The following HOOK3 variants were observed in gnomAD, a reference collection of about 807,000 sequenced individuals.
The protein encoded by HOOK3 is hook microtubule tethering protein 3, also known as protein Hook homolog 3.
Under a neutral mutation model 116.3 loss-of-function variants are expected in HOOK3, and 24 were observed. That is an observed-to-expected ratio of 0.21 (90% CI 0.15 to 0.29). The LOEUF is 0.29. HOOK3 is among the 10% of genes least tolerant of loss of function. The pLI, the probability that HOOK3 is intolerant of heterozygous loss-of-function variation, is 1.00. For missense variants in HOOK3, 632 were observed against 830.2 expected (o/e 0.76, Z 2.93); for synonymous variants, 275 against 283.0 (o/e 0.97, Z 0.28).
intron 19 of HOOK3, among the ~76,000 whole-genome samples, chr8:43,010,756 G>A (rs1809589268): frequency 6.6e-6 from 1 of 152,180 alleles, no homozygotes. Flanking sequence ...CTGAATTTAA[G>A]CAACCTTCTA....
intron 6 of HOOK3, among the ~76,000 whole-genome samples, chr8:42,956,526 G>A (rs778597332): frequency 4.6e-5 from 7 of 151,500 alleles, no homozygotes; most frequent in Non-Finnish European, 1.0e-4. Flanking sequence ...TTCTCTTGCC[G>A]TGTCTTATGG....
At chr8:42,931,592 C>T (rs569233411) in intron 4 of HOOK3, among the ~76,000 whole-genome samples, 19 of 150,656 alleles carry the variant, frequency 1.3e-4, no homozygotes, top group African/African-American at 3.9e-4. Context: ...CCACCATGCC[C>T]GGCTAATTTT....
chr8:42,908,504 C>T, intron 2 of HOOK3, among the ~76,000 whole-genome samples: 1 of 152,118 alleles, frequency 6.6e-6, no homozygotes, highest in East Asian at 1.9e-4. Context: ...GAAAGGAACC[C>T]ATACATCTAT....
At chr8:42,957,017 C>T in intron 6 of HOOK3, 77 bp from the exon 7 acceptor site, 1 of 700,350 alleles carries the variant, frequency 1.4e-6, no homozygotes, top group East Asian at 2.8e-5. Flanking sequence ...GCTGGGTATT[C>T]ATTTTCTTAT....
chr8:42,912,645 C>T (rs115005284), intron 2 of HOOK3, among the ~76,000 whole-genome samples: 4,292 of 151,820 alleles, frequency 0.028, 84 homozygotes, highest in African/African-American at 0.05. Context: ...CAAGAAAATA[C>T]AGTGAGTTCC....
At chr8:42,918,971 T>C (rs1398109062) in intron 2 of HOOK3, among the ~76,000 whole-genome samples, 1 of 151,990 alleles carries the variant, frequency 6.6e-6, no homozygotes, top group Non-Finnish European at 1.5e-5. Flanking sequence ...GCAGAGGGGC[T>C]CCTCACTTCC....
chr8:42,899,484 T>C (rs1485238693), intron 1 of HOOK3, among the ~76,000 whole-genome samples: 2 of 152,202 alleles, frequency 1.3e-5, no homozygotes, highest in Non-Finnish European at 2.9e-5. Flanking sequence ...CTGGGTTTGT[T>C]CTCTTTTAGC....
At chr8:42,997,979 G>C in intron 16 of HOOK3, 1 of 256,712 alleles carries the variant, frequency 3.9e-6, no homozygotes. Context: ...TGGGAATTTG[G>C]AGTGTTCAAG....
intron 14 of HOOK3, among the ~76,000 whole-genome samples, chr8:42,985,537 G>T (rs979279505): frequency 6.6e-6 from 1 of 152,130 alleles, no homozygotes. Flanking sequence ...TAGTCATTTT[G>T]TGCTATAGTT....
In HOOK3 at chr8:42,991,769, G is replaced by T. The variant is rs1236086350; in HGVS notation, c.1532+4974G>T. Among the ~76,000 whole-genome samples the T allele has an allele frequency of 4.6e-5, 7 of 151,242 alleles. No homozygotes were observed. In the East Asian group the frequency reaches 1.2e-3, roughly 25 times the overall value. ...TGTTTTTGTTTTTTTTTTCCTTTTA[G>T]TGGAGAACTGGGTCTCACTAAATTG... On this transcript the variant is annotated intron_variant, in intron 15 of 21. Transcript: ENST00000307602.
intron 8 of HOOK3, among the ~76,000 whole-genome samples, chr8:42,963,126 T>C (rs1808567358): frequency 6.6e-6 from 1 of 151,914 alleles, no homozygotes; most frequent in Admixed American, 6.6e-5. Context: ...TTACGTTATT[T>C]TGAGATTCAT....
chr8:43,004,226 G>T (rs1485970528), intron 17 of HOOK3, among the ~76,000 whole-genome samples: 1 of 151,638 alleles, frequency 6.6e-6, no homozygotes, highest in Non-Finnish European at 1.5e-5. Flanking sequence ...AATTAGTGGG[G>T]CATGGTGGCG....
intron 4 of HOOK3, among the ~76,000 whole-genome samples, chr8:42,939,521 G>A (rs1489283720): frequency 2.7e-5 from 4 of 146,926 alleles, no homozygotes; most frequent in Admixed American, 6.7e-5. Context: ...CCGGGCGGGG[G>A]GCTGATCCCC....
chr8:42,917,782 T>A (rs1807561211), intron 2 of HOOK3, among the ~76,000 whole-genome samples: 1 of 152,174 alleles, frequency 6.6e-6, no homozygotes, highest in South Asian at 2.1e-4. Context: ...TAAATGGATA[T>A]TTTTTATAGT....
At chr8:42,993,290 GTCTTACTC>G (rs1392394958) in intron 15 of HOOK3, among the ~76,000 whole-genome samples, 3 of 152,048 alleles carry the variant, frequency 2.0e-5, no homozygotes, top group African/African-American at 7.2e-5. Flanking sequence ...TTAAGACAGG[GTCTTACTC>G]TGTCGCCCAA....
chr8:42,915,182 T>C (rs1807507310), intron 2 of HOOK3, among the ~76,000 whole-genome samples: 1 of 152,108 alleles, frequency 6.6e-6, no homozygotes, highest in Non-Finnish European at 1.5e-5. Flanking sequence ...GACTGTCCGA[T>C]GGTCACCAGG....
In HOOK3 at chr8:42,988,228, G is replaced by A. The variant is rs182733437; in HGVS notation, c.1532+1433G>A. ...GTACTCAGAAAAAGTGGGAAATGGA[G>A]ACAGTGGAGCGGAGGAGATTGCGGG... On this transcript the variant is annotated intron_variant, in intron 15 of 21. Coordinates refer to ENST00000307602, the MANE Select transcript of HOOK3 (RefSeq NM_032410.4). Among the ~76,000 whole-genome samples the A allele has an allele frequency of 3.4e-3, 519 of 152,324 alleles. 5 individuals carry two copies. Among genetic ancestry groups the A allele is most frequent in the Admixed American group, 6.9e-3 (105 of 15,294 alleles).
chr8:42,959,411 A>C (rs2130412133), intron 8 of HOOK3, 97 bp downstream of exon 8: 17 of 784,998 alleles, frequency 2.2e-5, no homozygotes, highest in South Asian at 1.8e-5. Context: ...CTTAACTATA[A>C]CGCAACCCTT....
intron 2 of HOOK3, among the ~76,000 whole-genome samples, chr8:42,923,480 C>T (rs1023715185): frequency 1.6e-4 from 24 of 152,030 alleles, no homozygotes; most frequent in African/African-American, 5.8e-4. Flanking sequence ...TATTATTTAG[C>T]CACAAAAAGG....
Sources: allele counts gnomAD v4.1 joint callset (sites outside exome capture counted in the v4.1 genomes callset), GRCh38; gene constraint gnomAD v4.1.1; transcripts MANE v1.5; gene names NCBI Gene and HGNC (gene_info 2026-07-23, HGNC 2026-07-21).